EPHA6: variants seen among roughly 807,000 people sequenced by gnomAD.
The protein encoded by EPHA6 is EPH receptor A6, also known as ephrin type-A receptor 6.
A neutral mutation model predicts 112.0 loss-of-function variants in EPHA6; 50 were observed. That is an observed-to-expected ratio of 0.45 (90% CI 0.36 to 0.56). The LOEUF is 0.56. EPHA6 is among the 20% of genes least tolerant of loss of function. EPHA6 has a pLI of 0.00. For missense variants in EPHA6, 1,280 were observed against 1,417.4 expected, an observed-to-expected ratio of 0.90 and a Z score of 1.56; for synonymous variants, 529 against 490.7, an observed-to-expected ratio of 1.08 and a Z score of -1.03.
chr3:97,209,724 T>A (rs1234891808), intron 3 of EPHA6, among the ~76,000 whole-genome samples: 1 of 152,198 alleles, frequency 6.6e-6, no homozygotes. Flanking sequence ...TTCAAAATTG[T>A]CAGATTGAAA....
intron 3 of EPHA6, among the ~76,000 whole-genome samples, chr3:97,113,887 C>A (rs944158511): frequency 2.6e-5 from 4 of 152,058 alleles, no homozygotes; most frequent in Non-Finnish European, 4.4e-5. Flanking sequence ...TTATGCATAT[C>A]TAGTGTTATG....
chr3:97,699,707 G>T (rs1458034420), intron 14 of EPHA6, among the ~76,000 whole-genome samples: 3 of 152,192 alleles, frequency 2.0e-5, no homozygotes, highest in African/African-American at 7.2e-5. Context: ...TATAAGGCCT[G>T]TACGAATAAG....
At chr3:97,241,817 C>T (rs754710504) in intron 4 of EPHA6, among the ~76,000 whole-genome samples, 16 of 140,044 alleles carry the variant, frequency 1.1e-4, no homozygotes, top group African/African-American at 3.7e-4. Flanking sequence ...TACTTATAGA[C>T]ACCCATAACA....
intron 1 of EPHA6, among the ~76,000 whole-genome samples, chr3:96,826,254 T>C (rs1339515451): frequency 6.6e-6 from 1 of 152,026 alleles, no homozygotes; most frequent in Non-Finnish European, 1.5e-5. Context: ...AACCAGACTT[T>C]ACTGAATTGG....
At position 97,750,332 on chromosome 3, in the gene EPHA6, T is replaced by G. The variant is rs988873159; in HGVS notation, c.*1631T>G. On this transcript the variant is annotated 3_prime_UTR_variant, in exon 18 of 18. Coordinates refer to ENST00000389672, the MANE Select transcript of EPHA6 (RefSeq NM_001080448.3). ...TTTTAAATAAAGGACCCTGTTTTTG[T>G]TTTTTGTTTTTGTTTTTGTTGTTCG... is the stretch of plus-strand genomic sequence containing the variant. Among the ~76,000 whole-genome samples, 1 of 151,642 alleles carries G rather than the reference T, an allele frequency of 6.6e-6. No individual in the cohort carries two copies. The highest frequency in any genetic ancestry group is 6.6e-5 in the Admixed American group (1 of 15,204).
chr3:97,448,304 C>T (rs1288586613), intron 6 of EPHA6, among the ~76,000 whole-genome samples: 1 of 152,040 alleles, frequency 6.6e-6, no homozygotes, highest in Non-Finnish European at 1.5e-5. Context: ...ACAGTTGGGT[C>T]AGGAATCTAA....
chr3:96,852,367 TGCAGTGA>T, intron 1 of EPHA6, among the ~76,000 whole-genome samples: 1 of 152,044 alleles, frequency 6.6e-6, no homozygotes, highest in African/African-American at 2.4e-5. Flanking sequence ...AGGCAGGGGT[TGCAGTGA>T]GCTGAGATGG....
chr3:97,199,113 A>T (rs886619742), intron 3 of EPHA6, among the ~76,000 whole-genome samples: 1 of 152,128 alleles, frequency 6.6e-6, no homozygotes, highest in Non-Finnish European at 1.5e-5. Context: ...AGAGACGGAG[A>T]CTTCTCCTAG....
At chr3:97,296,989 G>A (rs1199924866) in intron 5 of EPHA6, among the ~76,000 whole-genome samples, 9 of 152,146 alleles carry the variant, frequency 5.9e-5, no homozygotes, top group Admixed American at 5.9e-4. Flanking sequence ...GTGAGGGCTG[G>A]ATTCTTAAAA....
chr3:97,306,044 A>C (rs2081305541), intron 5 of EPHA6, among the ~76,000 whole-genome samples: 1 of 151,882 alleles, frequency 6.6e-6, no homozygotes, highest in Non-Finnish European at 1.5e-5. Flanking sequence ...ACAATGATAT[A>C]TATGAGACTC....
At chr3:97,257,930 C>T (rs1177724158) in intron 5 of EPHA6, among the ~76,000 whole-genome samples, 1 of 151,868 alleles carries the variant, frequency 6.6e-6, no homozygotes, top group Admixed American at 6.6e-5. Context: ...CACACATGGT[C>T]ATAAGGAAAT....
chr3:97,453,542 T>C (rs1440002015), intron 7 of EPHA6, among the ~76,000 whole-genome samples: 2 of 151,694 alleles, frequency 1.3e-5, no homozygotes, highest in African/African-American at 4.8e-5. Context: ...GGACTAAATT[T>C]ATAGCACATA....
intron 11 of EPHA6, among the ~76,000 whole-genome samples, chr3:97,545,061 TC>T (rs2092925386): frequency 6.6e-6 from 1 of 152,206 alleles, no homozygotes; most frequent in Non-Finnish European, 1.5e-5. Context: ...TGTCTCTATT[TC>T]TTTCAGTTCT....
intron 5 of EPHA6, among the ~76,000 whole-genome samples, chr3:97,375,644 A>G (rs2085306694): frequency 6.6e-6 from 1 of 152,182 alleles, no homozygotes; most frequent in South Asian, 2.1e-4. Flanking sequence ...AGGAAAATGT[A>G]TATATCATGT....
intron 5 of EPHA6, among the ~76,000 whole-genome samples, chr3:97,361,028 C>G (rs1339199307): frequency 6.6e-6 from 1 of 152,152 alleles, no homozygotes; most frequent in Non-Finnish European, 1.5e-5. Context: ...TTTCCCAATA[C>G]TGTGATTGTT....
chr3:96,901,310 TAAC>T (rs1489862212), intron 2 of EPHA6, among the ~76,000 whole-genome samples: 1 of 152,148 alleles, frequency 6.6e-6, no homozygotes, highest in African/African-American at 2.4e-5. Context: ...CTGATTTTTG[TAAC>T]AACAATACCT....
intron 5 of EPHA6, among the ~76,000 whole-genome samples, chr3:97,262,195 T>C (rs2079525507): frequency 6.6e-6 from 1 of 152,172 alleles, no homozygotes; most frequent in South Asian, 2.1e-4. Context: ...GAGCTATCCT[T>C]GGAGTGCATG....
chr3:97,579,879 C>A (rs906672377), intron 11 of EPHA6, among the ~76,000 whole-genome samples: 4 of 151,908 alleles, frequency 2.6e-5, no homozygotes, highest in Non-Finnish European at 5.9e-5. Context: ...AATAAACAAG[C>A]ATCTTTTAAA....
At chr3:97,208,352 T>C (rs995268584) in intron 3 of EPHA6, among the ~76,000 whole-genome samples, 1 of 152,190 alleles carries the variant, frequency 6.6e-6, no homozygotes, top group Non-Finnish European at 1.5e-5. Flanking sequence ...GTTACATGAA[T>C]AGTTGTTATT....
Sources: gnomAD v4.1 joint callset for allele counts (sites outside exome capture counted in the v4.1 genomes callset) on GRCh38, gnomAD v4.1.1 for gene constraint, MANE v1.5 for transcripts, NCBI Gene and HGNC (gene_info 2026-07-23, HGNC 2026-07-21) for gene names.